PBRM1: variants seen among roughly 807,000 people sequenced by gnomAD.
PBRM1 encodes the protein protein polybromo-1.
Under a neutral mutation model 194.5 loss-of-function variants are expected in PBRM1, and 27 were observed. The observed-to-expected ratio is 0.14, with a 90% CI of 0.10 to 0.19. The LOEUF (loss-of-function observed/expected upper bound fraction) is 0.19, where lower values mean the gene tolerates loss of function less well. Ranked by LOEUF, PBRM1 falls within the 10% of genes least tolerant of loss-of-function variation. The pLI is 1.00. For missense variants in PBRM1, 1,466 were observed against 2,077.2 expected (o/e 0.71, Z 5.72); for synonymous variants, 655 against 693.2 (o/e 0.94, Z 0.87).
chr3:52,562,398 T>A (rs1026858484), intron 24 of PBRM1, among the ~76,000 whole-genome samples: 1 of 152,034 alleles, frequency 6.6e-6, no homozygotes, highest in Non-Finnish European at 1.5e-5. Context: ...ATTGACACGT[T>A]TGGTTTATAG....
chr3:52,584,809 G>C (rs2092107090), intron 20 of PBRM1, among the ~76,000 whole-genome samples: 1 of 151,886 alleles, frequency 6.6e-6, no homozygotes, highest in African/African-American at 2.4e-5. Context: ...TAACTACATT[G>C]GCTAATTTCA....
intron 26 of PBRM1, among the ~76,000 whole-genome samples, chr3:52,557,744 C>T (rs1354358593): frequency 6.6e-6 from 1 of 152,056 alleles, no homozygotes; most frequent in Admixed American, 6.5e-5. Context: ...TTCTATTTAG[C>T]AGTCATGCAC....
intron 15 of PBRM1, among the ~76,000 whole-genome samples, chr3:52,611,938 A>C (rs894486860): frequency 6.6e-6 from 1 of 152,060 alleles, no homozygotes; most frequent in African/African-American, 2.4e-5. Context: ...GTGGAAAAAG[A>C]GAGAGCTGGA....
rs571076965 is a variant in PBRM1, at chr3:52,645,561, G to C, written c.814-772C>G. 9.3e-5 allele frequency among the ~76,000 whole-genome samples: 14 copies of C among 150,816 alleles called. No individual in the cohort carries two copies. In the South Asian group the frequency reaches 2.9e-3, roughly 32 times the overall value. On this transcript the variant is annotated intron_variant, in intron 7 of 29. Transcript: ENST00000296302. ...AAGAACTTTCACCTTTTCACTTAAA[G>C]GGAGCACTTTAAAGCTTCTTGAATT...
intron 22 of PBRM1, among the ~76,000 whole-genome samples, chr3:52,567,252 T>C (rs1208112652): frequency 2.0e-5 from 3 of 152,116 alleles, no homozygotes; most frequent in East Asian, 3.8e-4. Context: ...TAGTTCCCTA[T>C]TGATGGGTAT....
At chr3:52,546,970 G>A, downstream of PBRM1, 1 of 233,076 alleles carries the variant, frequency 4.3e-6, no homozygotes. Context: ...AAGGAAATAA[G>A]GAATACTAAA....
chr3:52,610,071 C>T (rs2094531726), intron 15 of PBRM1, 116 bp from the exon 18 acceptor site: 1 of 620,366 alleles, frequency 1.6e-6, no homozygotes, highest in African/African-American at 1.9e-5. Context: ...TAGCAATTAG[C>T]ATGTCTATAG....
intron 2 of PBRM1, among the ~76,000 whole-genome samples, chr3:52,677,341 T>C (rs2097127637): frequency 6.6e-6 from 1 of 151,630 alleles, no homozygotes; most frequent in African/African-American, 2.4e-5. Context: ...CCTCCCAGGT[T>C]CAAGCAATTC....
rs199916798 is a variant in PBRM1, at chr3:52,647,457, AATATATATATATATATATAT to A, written c.813+867_813+886del. Among the ~76,000 whole-genome samples the A allele has an allele frequency of 1.9e-4, 9 of 47,872 alleles. No homozygotes were observed. In the East Asian group the frequency reaches 4.1e-3, roughly 22 times the overall value. The allele number at this position is 47,872 out of a possible 152,430, so 31.4% of individuals were successfully genotyped here. A position where few individuals can be genotyped will look rare whatever the true frequency, so the allele number is the denominator to read the frequency against. On this transcript the variant is annotated intron_variant, in intron 7 of 29. Coordinates refer to ENST00000296302, the Ensembl canonical transcript of PBRM1. ...AAAAAAAAAAAAAAAAAAAAAAAAA[AATATATATATATATATATAT>A]ATATATATATATGTAGTATTTATAT...
At chr3:52,658,367 A>C in intron 4 of PBRM1, 52 bp from the exon 6 acceptor site, 1 of 946,368 alleles carries the variant, frequency 1.1e-6, no homozygotes, top group Non-Finnish European at 1.7e-6. Context: ...AAAATGCTGA[A>C]TATTACATAG....
At chr3:52,606,100 G>A (rs78735727) in intron 16 of PBRM1, among the ~76,000 whole-genome samples, 2,135 of 152,130 alleles carry the variant, frequency 0.014, 19 homozygotes, top group South Asian at 0.036. Flanking sequence ...CCTGGCTCAA[G>A]CAATCCTCCC....
At chr3:52,562,911 T>C (rs1559886541) in intron 24 of PBRM1, among the ~76,000 whole-genome samples, 1 of 151,824 alleles carries the variant, frequency 6.6e-6, no homozygotes, top group Admixed American at 6.6e-5. Context: ...AGGTCCTACA[T>C]AAGGAGAGAT....
intron 1 of PBRM1, among the ~76,000 whole-genome samples, chr3:52,679,182 C>G (rs577938039): frequency 6.6e-6 from 1 of 152,200 alleles, no homozygotes; most frequent in Non-Finnish European, 1.5e-5. Context: ...AAATTTTCTT[C>G]TTAGCACTTA....
At chr3:52,648,046 T>C (rs1010782518) in intron 7 of PBRM1, among the ~76,000 whole-genome samples, 4 of 151,954 alleles carry the variant, frequency 2.6e-5, no homozygotes, top group African/African-American at 9.7e-5. Context: ...TTGGCTGGGA[T>C]TACAGGCGCC....
intron 25 of PBRM1, among the ~76,000 whole-genome samples, chr3:52,560,233 T>C (rs1407332234): frequency 6.6e-6 from 1 of 152,168 alleles, no homozygotes; most frequent in Admixed American, 6.5e-5. Flanking sequence ...GCTCACACTC[T>C]AAATAACCAG....
intron 20 of PBRM1, among the ~76,000 whole-genome samples, chr3:52,579,737 T>C (rs2090610636): frequency 6.6e-6 from 1 of 152,258 alleles, no homozygotes; most frequent in Non-Finnish European, 1.5e-5. Flanking sequence ...TTAATTTTCA[T>C]AAAACAATAT....
chr3:52,658,516 T>A (rs879560923), intron 4 of PBRM1, among the ~76,000 whole-genome samples: 22 of 151,764 alleles, frequency 1.4e-4, no homozygotes, highest in Middle Eastern at 3.4e-3. Context: ...TGCCTCAGCC[T>A]CCCGAGTAGC....
At chr3:52,625,338 C>T (rs867074386) in intron 13 of PBRM1, among the ~76,000 whole-genome samples, 1 of 152,128 alleles carries the variant, frequency 6.6e-6, no homozygotes, top group Admixed American at 6.6e-5. Context: ...CATGACTGAT[C>T]GTGTTATTTC....
chr3:52,602,001 G>A (rs940380673), intron 17 of PBRM1, among the ~76,000 whole-genome samples: 1 of 152,174 alleles, frequency 6.6e-6, no homozygotes, highest in African/African-American at 2.4e-5. Context: ...GCTGGGAAAA[G>A]TGCTCAGGTA....
Sources: gnomAD v4.1 joint callset for allele counts (sites outside exome capture counted in the v4.1 genomes callset) on GRCh38, gnomAD v4.1.1 for gene constraint, MANE v1.5 for transcripts, NCBI Gene and HGNC (gene_info 2026-07-23, HGNC 2026-07-21) for gene names.